The following TEX101 variants were observed in gnomAD, a reference collection of about 807,000 sequenced individuals.
TEX101 encodes the protein testis expressed 101, also known as testis-expressed protein 101.
TEX101 carries 10 observed loss-of-function variants against 18.1 expected under a neutral mutation model. The ratio of observed to expected loss-of-function variants is 0.55; its 90% CI spans 0.34 to 0.94. The LOEUF (loss-of-function observed/expected upper bound fraction) is 0.94, where lower values mean the gene tolerates loss of function less well. Among genes scored for constraint, TEX101 ranks in the 40% least tolerant of loss-of-function variants. The probability of loss-of-function intolerance (pLI) is 0.02; values close to 1 mark genes in which losing one functional copy is unlikely to be tolerated. For synonymous variants in TEX101, 94 were observed against 114.8 expected, an observed-to-expected ratio of 0.82 and a Z score of 1.16; for missense variants, 259 against 298.9, an observed-to-expected ratio of 0.87 and a Z score of 0.98.
rs572773553 is a variant in TEX101 at position 43,403,830 on chromosome 19, A to G, written c.-283+971A>G. Among the ~76,000 whole-genome samples, 6 of 152,092 alleles carry G rather than the reference A, an allele frequency of 3.9e-5. No individual in the cohort carries two copies. The South Asian group carries it at 1.2e-3, about 32-fold the overall frequency. On this transcript the variant is annotated intron_variant, in intron 2 of 7. Transcript: ENST00000602198. ...AAATATCCAATTTTCTTGATTTAAG[A>G]TGGTCAAAACCATCCTGGCTAACAC...
upstream of TEX101, among the ~76,000 whole-genome samples, chr19:43,396,715 G>A (rs1377244018): frequency 2.6e-5 from 4 of 151,294 alleles, no homozygotes; most frequent in African/African-American, 9.7e-5. Flanking sequence ...AGCTGCATTA[G>A]TTATCCATTG....
chr19:43,390,314 G>C, the TEX101 span, among the ~76,000 whole-genome samples: 1 of 152,196 alleles, frequency 6.6e-6, no homozygotes, highest in African/African-American at 2.4e-5. Context: ...GTAGCCAGCT[G>C]TGCTGTTCAT....
At chr19:43,398,307 C>T (rs1044267494), upstream of TEX101, among the ~76,000 whole-genome samples, 2 of 140,216 alleles carry the variant, frequency 1.4e-5, no homozygotes, top group African/African-American at 2.7e-5. Flanking sequence ...GACAGAGTCT[C>T]GCTCTGTTGC....
chr19:43,408,767 G>A (rs1970393468), intron 3 of TEX101, among the ~76,000 whole-genome samples: 1 of 152,138 alleles, frequency 6.6e-6, no homozygotes, highest in South Asian at 2.1e-4. Context: ...AGGCCTCACA[G>A]TGAGTCAGAC....
intron 3 of TEX101, chr19:43,406,654 G>T (rs991776894): frequency 4.0e-5 from 23 of 579,076 alleles, no homozygotes; most frequent in Non-Finnish European, 7.2e-5. Flanking sequence ...CTCACCAGGG[G>T]CAGCGCTAGA....
chr19:43,390,460 C>CTTTCTTTT, the TEX101 span, among the ~76,000 whole-genome samples: 1 of 49,856 alleles, frequency 2.0e-5, no homozygotes, highest in African/African-American at 8.3e-5. Context: ...CTTTTTTTTT[C>CTTTCTTTT]TTTTTTTTTT....
chr19:43,417,157 C>T, intron 4 of TEX101, among the ~76,000 whole-genome samples: 1 of 152,094 alleles, frequency 6.6e-6, no homozygotes, highest in East Asian at 1.9e-4. Context: ...ATTTACAAGG[C>T]CTGTAGTAAC....
In TEX101 at chr19:43,418,304, G is replaced by A. The variant is rs111478186; in HGVS notation, c.657G>A (p.Lys219=). 1.0e-4 allele frequency: 162 copies of A among 1,614,200 alleles called. No homozygotes were observed. The African/African-American group carries it at 1.3e-3, about 13-fold the overall frequency. ...ATCAGCTGCTCACTCAACCTCGAAA[G>A]ACTGAAAATGGGGCCACCTGTCTTC... ...CPHQLLTQPR[K]TENGATCLPI... Residue 219 remains lysine (K), a synonymous_variant, in exon 6 of 6, where the codon AAG becomes AAA. Coordinates refer to ENST00000598265, the MANE Select transcript of TEX101 (RefSeq NM_001130011.3).
chr19:43,412,509 G>T (rs1353114556), upstream of TEX101, among the ~76,000 whole-genome samples: 1 of 152,136 alleles, frequency 6.6e-6, no homozygotes, highest in African/African-American at 2.4e-5. Context: ...AAGCAGAAAT[G>T]GGGTGAAGAA....
Position 43,418,596 on chromosome 19 carries a change from G to A in TEX101, c.*199G>A. ...CGTTACTAATAAACATTTCTGCTGT[G>A]ATTTGTGTATGTTTCAACACTAGAA... On this transcript the variant is annotated 3_prime_UTR_variant, in exon 6 of 6. Transcript: ENST00000598265. 1.8e-6 allele frequency: 1 copy of A among 558,138 alleles called. No individual in the cohort carries two copies. Among genetic ancestry groups the A allele is most frequent in the Admixed American group, 3.5e-5 (1 of 28,828 alleles). The allele number at this position is 558,138 out of a possible 1,614,324, so 34.6% of individuals were successfully genotyped here.
chr19:43,410,349 G>A (rs1394239726), upstream of TEX101, among the ~76,000 whole-genome samples: 2 of 152,136 alleles, frequency 1.3e-5, no homozygotes, highest in Admixed American at 1.3e-4. Flanking sequence ...CCCATGCAGA[G>A]GGACCAGTGT....
At chr19:43,416,349 C>A (rs1274127393) in intron 3 of TEX101, 24 bp from the exon 4 acceptor site, 1 of 1,601,910 alleles carries the variant, frequency 6.2e-7, no homozygotes, top group South Asian at 1.1e-5. Context: ...CCATCCATTT[C>A]CCCTCCTTCC....
chr19:43,410,690 G>A (rs1970411038), upstream of TEX101, among the ~76,000 whole-genome samples: 1 of 150,494 alleles, frequency 6.6e-6, no homozygotes, highest in Admixed American at 6.6e-5. Context: ...ATACACACAT[G>A]CCCATGCACA....
intron 2 of TEX101, chr19:43,406,149 C>T (rs1970361069): frequency 4.4e-6 from 1 of 225,476 alleles, no homozygotes; most frequent in African/African-American, 2.4e-5. Context: ...TGGGAGGCAC[C>T]TTGGGACTGT....
chr19:43,399,451 C>T (rs1408088388), upstream of TEX101, among the ~76,000 whole-genome samples: 1 of 152,008 alleles, frequency 6.6e-6, no homozygotes, highest in Non-Finnish European at 1.5e-5. Flanking sequence ...TTTCATTAAG[C>T]ATTCCAAAAT....
chr19:43,391,903 C>T, the TEX101 span, among the ~76,000 whole-genome samples: 11 of 152,280 alleles, frequency 7.2e-5, no homozygotes, highest in Middle Eastern at 6.8e-3. Context: ...AATATGGAAA[C>T]CTTCTTCCCT....
At chr19:43,408,969 T>A (rs1409063819) in intron 3 of TEX101, among the ~76,000 whole-genome samples, 1 of 152,156 alleles carries the variant, frequency 6.6e-6, no homozygotes, top group Non-Finnish European at 1.5e-5. Context: ...TCATTCTACT[T>A]CCAACTCACA....
At chr19:43,410,091 G>A (rs1157230090), upstream of TEX101, among the ~76,000 whole-genome samples, 1 of 152,138 alleles carries the variant, frequency 6.6e-6, no homozygotes, top group African/African-American at 2.4e-5. Flanking sequence ...ACAACTCATT[G>A]TTTTGTAAGG....
the TEX101 span, among the ~76,000 whole-genome samples, chr19:43,393,901 C>T: frequency 6.6e-6 from 1 of 151,938 alleles, no homozygotes; most frequent in African/African-American, 2.4e-5. Flanking sequence ...GGAGTGTAAC[C>T]GTGTTTCCAG....
Sources: gnomAD v4.1 joint callset for allele counts (sites outside exome capture counted in the v4.1 genomes callset) on GRCh38, gnomAD v4.1.1 for gene constraint, MANE v1.5 for transcripts, NCBI Gene and HGNC (gene_info 2026-07-23, HGNC 2026-07-21) for gene names.